The following TENM3 variants were observed in gnomAD, a reference collection of about 807,000 sequenced individuals.
TENM3 encodes the protein teneurin-3.
A neutral mutation model predicts 255.1 loss-of-function variants in TENM3; 63 were observed. The observed-to-expected ratio is 0.25, with a 90% CI of 0.20 to 0.30. TENM3 has a LOEUF of 0.30. Among genes scored for constraint, TENM3 ranks in the 10% least tolerant of loss-of-function variants. The probability of loss-of-function intolerance (pLI) is 1.00; values close to 1 mark genes in which losing one functional copy is unlikely to be tolerated. For missense variants in TENM3, 2,929 were observed against 3,461.1 expected (o/e 0.85, Z 3.86); for synonymous variants, 1,306 against 1,322.3 (o/e 0.99, Z 0.27).
At chr4:181,845,520 C>A in the TENM3 span, among the ~76,000 whole-genome samples, 3 of 152,154 alleles carry the variant, frequency 2.0e-5, no homozygotes, top group Non-Finnish European at 4.4e-5. Flanking sequence ...TACACATACA[C>A]ACACATACAT....
the TENM3 span, among the ~76,000 whole-genome samples, chr4:181,621,976 C>T: frequency 1.3e-5 from 2 of 152,172 alleles, no homozygotes; most frequent in South Asian, 2.1e-4. Context: ...ACCTGACATA[C>T]GCACACAATA....
chr4:182,698,331 T>C (rs1757589126), intron 12 of TENM3, among the ~76,000 whole-genome samples: 1 of 152,248 alleles, frequency 6.6e-6, no homozygotes, highest in South Asian at 2.1e-4. Flanking sequence ...TGGACTCTTC[T>C]ACCAACCTCT....
At chr4:182,024,881 A>G in the TENM3 span, among the ~76,000 whole-genome samples, 1 of 151,776 alleles carries the variant, frequency 6.6e-6, no homozygotes, top group Non-Finnish European at 1.5e-5. Flanking sequence ...CTCTATCTCC[A>G]TAAGTTCAAT....
intron 6 of TENM3, among the ~76,000 whole-genome samples, chr4:182,661,823 C>T (rs894807021): frequency 9.2e-5 from 14 of 152,242 alleles, no homozygotes; most frequent in African/African-American, 3.1e-4. Context: ...ATTTACCTTC[C>T]GCAACAATTG....
intron 3 of TENM3, among the ~76,000 whole-genome samples, chr4:182,470,574 G>T (rs1254371741): frequency 6.6e-6 from 1 of 152,162 alleles, no homozygotes; most frequent in Non-Finnish European, 1.5e-5. Flanking sequence ...TAAGAGAAGA[G>T]AAAAGGGTCA....
At chr4:182,762,511 C>A (rs1169361626) in intron 22 of TENM3, among the ~76,000 whole-genome samples, 3 of 152,178 alleles carry the variant, frequency 2.0e-5, no homozygotes, top group Non-Finnish European at 4.4e-5. Context: ...TTTACAATCA[C>A]AGAACTGAAG....
chr4:182,701,215 T>A (rs1757840340), intron 12 of TENM3, among the ~76,000 whole-genome samples: 1 of 59,958 alleles, frequency 1.7e-5, no homozygotes, highest in Non-Finnish European at 3.1e-5. Context: ...CTTGACTTTT[T>A]TTTTTTTTTT....
At chr4:181,999,558 C>T in the TENM3 span, among the ~76,000 whole-genome samples, 1 of 152,156 alleles carries the variant, frequency 6.6e-6, no homozygotes, top group Non-Finnish European at 1.5e-5. Context: ...AGTGTCATAA[C>T]ATTCCTGAAA....
the TENM3 span, among the ~76,000 whole-genome samples, chr4:181,498,592 C>T: frequency 1.4e-4 from 22 of 152,242 alleles, no homozygotes; most frequent in South Asian, 1.0e-3. Context: ...ACATGTGGAG[C>T]GGGGAGACAT....
chr4:181,933,801 G>A, the TENM3 span, among the ~76,000 whole-genome samples: 2 of 152,124 alleles, frequency 1.3e-5, no homozygotes, highest in Non-Finnish European at 2.9e-5. Context: ...TTTTTAGTCA[G>A]CCTACGATAT....
chr4:182,385,643 T>TA (rs150770733), intron 3 of TENM3, among the ~76,000 whole-genome samples: 13,011 of 152,272 alleles, frequency 0.085, 816 homozygotes, highest in African/African-American at 0.17. Context: ...GAGGCTTTGT[T>TA]AAAAGTTATT....
chr4:181,980,113 C>T, the TENM3 span: 3 of 152,210 alleles, frequency 2.0e-5, no homozygotes, highest in Non-Finnish European at 2.9e-5. Flanking sequence ...AAAGCAGTAA[C>T]TTATTTGGCT....
At chr4:181,889,173 G>A in the TENM3 span, among the ~76,000 whole-genome samples, 1 of 152,114 alleles carries the variant, frequency 6.6e-6, no homozygotes, top group Non-Finnish European at 1.5e-5. Flanking sequence ...GTGGGGCCCG[G>A]TGGGGGGGAT....
chr4:181,470,115 A>AAAAC, the TENM3 span, among the ~76,000 whole-genome samples: 3 of 124,982 alleles, frequency 2.4e-5, no homozygotes, highest in Admixed American at 8.9e-5. Flanking sequence ...CTGTAAAAAA[A>AAAAC]AAAAAAAAAA....
At chr4:181,636,565 T>C in the TENM3 span, among the ~76,000 whole-genome samples, 1 of 152,152 alleles carries the variant, frequency 6.6e-6, no homozygotes, top group African/African-American at 2.4e-5. Flanking sequence ...GACAGGTTCC[T>C]CTCTTCCTCT....
the TENM3 span, among the ~76,000 whole-genome samples, chr4:181,944,419 A>G: frequency 6.6e-6 from 1 of 150,392 alleles, no homozygotes; most frequent in Admixed American, 6.6e-5. Context: ...GATGTTGAGC[A>G]CCCACACTGG....
the TENM3 span, among the ~76,000 whole-genome samples, chr4:181,861,949 C>T: frequency 1.3e-5 from 2 of 152,142 alleles, no homozygotes; most frequent in East Asian, 3.9e-4. Context: ...GTATTCTTTG[C>T]TTTGAGTCTC....
the TENM3 span, among the ~76,000 whole-genome samples, chr4:181,879,025 C>T: frequency 1.3e-5 from 2 of 152,218 alleles, no homozygotes; most frequent in East Asian, 3.9e-4. Context: ...CAACTCCTTA[C>T]TTAGTTTCAG....
At chr4:181,565,487 C>T in the TENM3 span, among the ~76,000 whole-genome samples, 8 of 152,162 alleles carry the variant, frequency 5.3e-5, no homozygotes, top group South Asian at 8.3e-4. Context: ...AGGTGGGAAA[C>T]GGGTACATAA....
Sources: allele counts gnomAD v4.1 joint callset (sites outside exome capture counted in the v4.1 genomes callset), GRCh38; gene constraint gnomAD v4.1.1; transcripts MANE v1.5; gene names NCBI Gene and HGNC (gene_info 2026-07-23, HGNC 2026-07-21).